ZNF875: variants seen among roughly 807,000 people sequenced by gnomAD.
The protein encoded by ZNF875 is HKR1, GLI-Kruppel zinc finger family member.
A neutral mutation model predicts 11.2 loss-of-function variants in ZNF875; 14 were observed. The observed-to-expected ratio is 1.26, with a 90% CI of 0.83 to 1.96. ZNF875 has a LOEUF of 1.96. Ranked by LOEUF, ZNF875 falls within the 30% of genes most tolerant of loss-of-function variation. The pLI, the probability that ZNF875 is intolerant of heterozygous loss-of-function variation, is 0.00. For missense variants in ZNF875, 752 were observed against 760.4 expected (o/e 0.99, Z 0.13); for synonymous variants, 301 against 281.1 (o/e 1.07, Z -0.71).
chr19:37,328,090 A>T (rs542705851), intron 4 of ZNF875, among the ~76,000 whole-genome samples: 47 of 152,258 alleles, frequency 3.1e-4, no homozygotes, highest in African/African-American at 9.6e-4. Flanking sequence ...AAAAATACAA[A>T]TTAGCTGGGT....
chr19:37,317,706 C>T (rs1568555703), upstream of ZNF875, among the ~76,000 whole-genome samples: 1 of 152,232 alleles, frequency 6.6e-6, no homozygotes, highest in Non-Finnish European at 1.5e-5. Flanking sequence ...GCGGGTCAGG[C>T]CCAAGCGCTT....
chr19:37,330,261 G>A (rs1334832243), upstream of ZNF875, among the ~76,000 whole-genome samples: 1 of 151,570 alleles, frequency 6.6e-6, no homozygotes, highest in Non-Finnish European at 1.5e-5. Flanking sequence ...GACTTTTTTT[G>A]GTGATGAGAA....
At chr19:37,317,716 T>G (rs2030333209), upstream of ZNF875, among the ~76,000 whole-genome samples, 1 of 152,228 alleles carries the variant, frequency 6.6e-6, no homozygotes, top group Admixed American at 6.5e-5. Flanking sequence ...CCCAAGCGCT[T>G]CTTATTGGCT....
upstream of ZNF875, among the ~76,000 whole-genome samples, chr19:37,332,493 A>C (rs1003346112): frequency 6.6e-6 from 1 of 152,158 alleles, no homozygotes; most frequent in African/African-American, 2.4e-5. Flanking sequence ...CTGGGATTAC[A>C]GGCGTGAGCC....
In ZNF875 at chr19:37,363,036, T is replaced by C. The variant is rs1314567716; in HGVS notation, c.1184T>C (p.Ile395Thr). ...KRTHSGEKPY[I>T]CRECEQGFSQ... Reference sequence around the variant, plus strand: ...ACACATTCAGGAGAGAAGCCTTACATTTGCAGGGAGTGTGAGCAAGGCTTT... The same window carrying C: ...ACACATTCAGGAGAGAAGCCTTACACTTGCAGGGAGTGTGAGCAAGGCTTT... Residue 395 changes from isoleucine (I) to threonine (T), a missense_variant, in exon 5 of 5, where the codon ATT becomes ACT. Transcript: ENST00000392153. The C allele has an allele frequency of 6.2e-7, 1 of 1,614,080 alleles. No homozygotes were observed. Among genetic ancestry groups the C allele is most frequent in the African/African-American group, 1.3e-5 (1 of 74,932 alleles).
At chr19:37,342,981 A>G (rs1016566253) in intron 2 of ZNF875, among the ~76,000 whole-genome samples, 4 of 152,146 alleles carry the variant, frequency 2.6e-5, no homozygotes, top group African/African-American at 9.7e-5. Flanking sequence ...CTAATGCCAC[A>G]TGTTTTAGGT....
intron 4 of ZNF875, among the ~76,000 whole-genome samples, chr19:37,351,114 A>T (rs1399501564): frequency 6.6e-6 from 1 of 151,892 alleles, no homozygotes. Context: ...CTCAAATTTT[A>T]TTTCTACTAA....
Position 37,363,481 on chromosome 19 carries a change from T to G in ZNF875, c.1629T>G (p.Phe543Leu). The change falls in exon 5 of 5, where the codon TTT (phenylalanine) becomes TTG (leucine). Residue 543 changes from phenylalanine (F) to leucine (L), a missense_variant. Physicochemically the swap from Phe to Leu is conservative, Grantham distance 22. Coordinates refer to ENST00000392153, the MANE Select transcript of ZNF875 (RefSeq NM_001353803.2). ...PFMCRECGRR[F>L]RQKPNLFRHK... ...TGTGCAGGGAGTGTGGCAGAAGGTT[T>G]CGGCAGAAGCCTAACCTGTTTAGGC... The G allele has an allele frequency of 1.9e-6, 3 of 1,613,718 alleles. No individual in the cohort carries two copies. The highest frequency in any genetic ancestry group is 2.5e-6 in the Non-Finnish European group (3 of 1,179,762).
At chr19:37,315,588 G>C (rs764988364), upstream of ZNF875, 3 of 152,090 alleles carry the variant, frequency 2.0e-5, no homozygotes, top group Non-Finnish European at 4.4e-5. Context: ...AGGAGTCCCA[G>C]ATAACCACAC....
intron 4 of ZNF875, 25 bp from the exon 5 acceptor site, chr19:37,362,084 T>C: frequency 1.3e-6 from 2 of 1,568,916 alleles, no homozygotes; most frequent in Non-Finnish European, 8.7e-7. Flanking sequence ...CTATGGCCCC[T>C]CTGAAAATGT....
chr19:37,361,375 T>A (rs1042711895), intron 4 of ZNF875, among the ~76,000 whole-genome samples: 1 of 152,140 alleles, frequency 6.6e-6, no homozygotes, highest in Non-Finnish European at 1.5e-5. Flanking sequence ...TCCCAAAGTG[T>A]TGGGACTACA....
chr19:37,363,516 C>T lies in ZNF875; in HGVS notation c.1664C>T (p.Ala555Val), dbSNP rs142002230. Reference sequence around the variant, plus strand: ...CCTAACCTGTTTAGGCACAAGAGGGCACACTCAGGTGCCTTTGTGTGCAGG... The same window carrying T: ...CCTAACCTGTTTAGGCACAAGAGGGTACACTCAGGTGCCTTTGTGTGCAGG... ...QKPNLFRHKR[A>V]HSGAFVCREC... The change falls in exon 5 of 5, where the codon GCA becomes GTA. Residue 555 changes from alanine to valine, a missense_variant. By Grantham distance (64) the Ala-to-Val change is moderately conservative. Coordinates refer to ENST00000392153, the MANE Select transcript of ZNF875 (RefSeq NM_001353803.2). 4.7e-4 allele frequency: 757 copies of T among 1,613,194 alleles called. 5 individuals are homozygous for T. In the Middle Eastern group the frequency reaches 5.9e-3, roughly 13 times the overall value.
At chr19:37,357,002 T>C (rs1207816853) in intron 4 of ZNF875, among the ~76,000 whole-genome samples, 2 of 152,170 alleles carry the variant, frequency 1.3e-5, no homozygotes, top group East Asian at 3.8e-4. Flanking sequence ...GATTTGTGTA[T>C]ATGAGGGGGA....
At chr19:37,321,187 C>T (rs1027654381) in intron 1 of ZNF875, among the ~76,000 whole-genome samples, 29 of 152,084 alleles carry the variant, frequency 1.9e-4, no homozygotes, top group African/African-American at 7.0e-4. Flanking sequence ...ACCTGACGTT[C>T]CCCCAGCCCG....
chr19:37,320,876 A>AAC (rs1485067114), intron 1 of ZNF875, among the ~76,000 whole-genome samples: 1 of 152,210 alleles, frequency 6.6e-6, no homozygotes, highest in African/African-American at 2.4e-5. Context: ...CTGTACTAAG[A>AAC]AAAATTATTC....
intron 2 of ZNF875, among the ~76,000 whole-genome samples, chr19:37,337,077 ATAAATCTGCCC>A (rs891510321): frequency 1.2e-3 from 186 of 152,304 alleles, no homozygotes; most frequent in African/African-American, 4.4e-3. Flanking sequence ...TTCTCTGAAA[ATAAATCTGCCC>A]TAAATCTGCA....
chr19:37,315,909 A>C (rs2030158232), upstream of ZNF875, among the ~76,000 whole-genome samples: 1 of 152,140 alleles, frequency 6.6e-6, no homozygotes, highest in Non-Finnish European at 1.5e-5. Context: ...GCTGAGGTGA[A>C]TGTGTAAGAA....
At chr19:37,340,056 C>T (rs2035361398) in intron 2 of ZNF875, among the ~76,000 whole-genome samples, 1 of 151,912 alleles carries the variant, frequency 6.6e-6, no homozygotes, top group Non-Finnish European at 1.5e-5. Context: ...GATCTCAGCT[C>T]ACTGCAACCT....
intron 4 of ZNF875, chr19:37,358,500 C>G (rs977838186): frequency 6.7e-6 from 1 of 148,236 alleles, no homozygotes; most frequent in Non-Finnish European, 1.5e-5. Flanking sequence ...TTTTAGAATA[C>G]AATTCCTCAG....
Sources: allele counts gnomAD v4.1 joint callset (sites outside exome capture counted in the v4.1 genomes callset), GRCh38; gene constraint gnomAD v4.1.1; transcripts MANE v1.5; gene names NCBI Gene and HGNC (gene_info 2026-07-23, HGNC 2026-07-21).